Variants in EID3 observed in about 807,000 individuals in gnomAD.
The protein encoded by EID3 is EP300-interacting inhibitor of differentiation 3.
Under a neutral mutation model 1.6 loss-of-function variants are expected in EID3, and 3 were observed. The observed-to-expected ratio is 1.87, with a 90% CI of 0.85 to 4.83. The LOEUF (loss-of-function observed/expected upper bound fraction) is 4.83. Among genes scored for constraint, EID3 ranks in the 30% most tolerant of loss-of-function variants. EID3 has a pLI of 0.02. For missense variants in EID3, 471 were observed against 409.9 expected (o/e 1.15, Z -1.29); for synonymous variants, 164 against 148.1 (o/e 1.11, Z -0.78).
rs752504270 is a variant in EID3, at chr12:104,303,998, G to A, written c.64G>A (p.Asp22Asn). Residue 22 changes from aspartate (D) to asparagine (N), a missense_variant, in exon 1 of 1, where the codon GAC becomes AAC. Transcript: ENST00000527879. ...CSDDLSSGEA[D>N]VDPKLLELTA... ...CGACGACCTCAGCTCTGGGGAGGCC[G>A]ACGTAGACCCAAAGCTCCTGGAGCT... 2 of 1,609,926 alleles carry A rather than the reference G, an allele frequency of 1.2e-6. No homozygotes were observed. Among genetic ancestry groups the A allele is most frequent in the Non-Finnish European group, 1.7e-6 (2 of 1,179,810 alleles).
In EID3 at chr12:104,304,148, G is replaced by GA. The variant is rs771188404; in HGVS notation, c.216dup (p.Ala73SerfsTer6). The GA allele has an allele frequency of 1.2e-5, 19 of 1,614,096 alleles. No individual in the cohort carries two copies. The highest frequency in any genetic ancestry group is 1.4e-5 in the Non-Finnish European group (17 of 1,179,906). On this transcript the variant is annotated frameshift_variant, in exon 1 of 1. Coordinates refer to ENST00000527879, the MANE Select transcript of EID3 (RefSeq NM_001008394.3). LOFTEE classifies it low-confidence loss of function (END_TRUNC). Reference sequence around the variant, plus strand: ...CAACTCCTTAACCGAGGCTCTGGAGGAAGCCAACGTCCTCTTTGATGGCGT... The same window carrying GA: ...CAACTCCTTAACCGAGGCTCTGGAGGAAAGCCAACGTCCTCTTTGATGGCGT...
Position 104,304,053 on chromosome 12 carries a change from T to G in EID3, c.119T>G (p.Ile40Ser). ...GCTGACGAGGAGAAGTGCCGCAGCA[T>G]CCGCAGGCAGTACCGGCAGCTCATG... is the stretch of plus-strand genomic sequence containing the variant. Reference protein sequence around the residue: ...LTADEEKCRSIRRQYRQLMYC... With the variant: ...LTADEEKCRSSRRQYRQLMYC... The change falls in exon 1 of 1, where the codon ATC becomes AGC. Residue 40 changes from isoleucine to serine, a missense_variant. Ile to Ser is a moderately radical substitution (Grantham distance 142, BLOSUM62 -2). Transcript: ENST00000527879. 1.2e-6 allele frequency: 2 copies of G among 1,613,610 alleles called. No individual in the cohort carries two copies. Among genetic ancestry groups the G allele is most frequent in the East Asian group, 2.2e-5 (1 of 44,892 alleles).
In EID3 at chr12:104,304,004, GACCCAA is replaced by G. The variant is rs776780110; in HGVS notation, c.72_77del (p.Asp24_Lys26delinsGlu). 30 of 1,610,916 alleles carry G rather than the reference GACCCAA, an allele frequency of 1.9e-5. No homozygotes were observed. Among genetic ancestry groups the G allele is most frequent in the Admixed American group, 8.3e-5 (5 of 59,996 alleles). On this transcript the variant is annotated inframe_deletion, in exon 1 of 1. Transcript: ENST00000527879. The stretch of plus-strand genomic sequence containing the variant: ...CCTCAGCTCTGGGGAGGCCGACGTA[GACCCAA>G]AGCTCCTGGAGCTCACCGCTGACGA...
In EID3 at chr12:104,304,441, T is replaced by G; in HGVS notation, c.507T>G (p.His169Gln). Reference protein sequence around the residue: ...TSWMVKAETFHFVFGSFKLER... With the variant: ...TSWMVKAETFQFVFGSFKLER... ...GGATGGTAAAAGCTGAGACATTCCA[T>G]TTTGTTTTTGGTTCATTCAAGCTAG... The change falls in exon 1 of 1, where the codon CAT (histidine) becomes CAG (glutamine). Residue 169 changes from histidine (H) to glutamine (Q), a missense_variant. Physicochemically the swap from His to Gln is conservative, Grantham distance 24. Coordinates refer to ENST00000527879, the MANE Select transcript of EID3 (RefSeq NM_001008394.3). 1 of 1,613,992 alleles carries G rather than the reference T, an allele frequency of 6.2e-7. No homozygotes were observed. Among genetic ancestry groups the G allele is most frequent in the Non-Finnish European group, 8.5e-7 (1 of 1,179,902 alleles).
chr12:104,304,461 A>G lies in EID3; in HGVS notation c.527A>G (p.Lys176Arg), dbSNP rs371562364. Residue 176 changes from lysine to arginine, a missense_variant, in exon 1 of 1, where the codon AAG becomes AGG. Transcript: ENST00000527879. ...TTCCATTTTGTTTTTGGTTCATTCAAGCTAGAACGTTCTGCACCAAAGCCC... is the reference window on the plus strand; with the variant it reads ...TTCCATTTTGTTTTTGGTTCATTCAGGCTAGAACGTTCTGCACCAAAGCCC... ...ETFHFVFGSF[K>R]LERSAPKPRL... 9.9e-6 allele frequency: 16 copies of G among 1,613,920 alleles called. No individual in the cohort carries two copies. The African/African-American group carries it at 1.2e-4, about 12-fold the overall frequency.
Position 104,304,398 on chromosome 12 carries a change from A to G in EID3, c.464A>G (p.Glu155Gly). 3.1e-6 allele frequency: 5 copies of G among 1,614,060 alleles called. No homozygotes were observed. The highest frequency in any genetic ancestry group is 4.2e-6 in the Non-Finnish European group (5 of 1,179,902). ...SIALSFWKAI[E>G]KEATSWMVKA... ...GCTCTTTCCTTCTGGAAGGCAATAG[A>G]AAAGGAAGCAACATCCTGGATGGTA... Residue 155 changes from glutamate to glycine, a missense_variant, in exon 1 of 1, where the codon GAA becomes GGA. Glu to Gly is a moderately conservative substitution (Grantham distance 98, BLOSUM62 -2). Coordinates refer to ENST00000527879, the MANE Select transcript of EID3 (RefSeq NM_001008394.3).
At position 104,304,036 on chromosome 12, in the gene EID3, G is replaced by A; in HGVS notation, c.102G>A (p.Glu34=). Residue 34 remains glutamate (E), a synonymous_variant, in exon 1 of 1, where the codon GAG becomes GAA. Coordinates refer to ENST00000527879, the MANE Select transcript of EID3 (RefSeq NM_001008394.3). The part of the protein sequence containing the change: ...DPKLLELTAD[E]EKCRSIRRQY... ...AGCTCCTGGAGCTCACCGCTGACGA[G>A]GAGAAGTGCCGCAGCATCCGCAGGC... is the stretch of plus-strand genomic sequence containing the variant. 6.2e-7 allele frequency: 1 copy of A among 1,612,134 alleles called. No individual in the cohort carries two copies. The highest frequency in any genetic ancestry group is 8.5e-7 in the Non-Finnish European group (1 of 1,178,838).
chr12:104,305,042 T>C lies in EID3; in HGVS notation c.*106T>C, dbSNP rs748364689. The C allele has an allele frequency of 1.5e-5, 18 of 1,197,484 alleles. No homozygotes were observed. Among genetic ancestry groups the C allele is most frequent in the Non-Finnish European group, 1.9e-5 (17 of 879,358 alleles). The allele number at this position is 1,197,484 out of a possible 1,614,324, so 74.2% of individuals were successfully genotyped here. On this transcript the variant is annotated 3_prime_UTR_variant, in exon 1 of 1. Transcript: ENST00000527879. ...GTATCTCTTGTAAAGTGAAAAAGTA[T>C]TTTCAAGAACATCAGACATTGTTTT...
Position 104,304,989 on chromosome 12 carries a change from G to A in EID3, c.*53G>A, listed in dbSNP as rs2034835640. 1 of 1,498,648 alleles carries A rather than the reference G, an allele frequency of 6.7e-7. No individual in the cohort carries two copies. The highest frequency in any genetic ancestry group is 2.5e-5 in the Admixed American group (1 of 40,808). The allele number at this position is 1,498,648 out of a possible 1,614,324, so 92.8% of individuals were successfully genotyped here. A position where few individuals can be genotyped will look rare whatever the true frequency, so the allele number is the denominator to read the frequency against. On this transcript the variant is annotated 3_prime_UTR_variant, in exon 1 of 1. Coordinates refer to ENST00000527879, the MANE Select transcript of EID3 (RefSeq NM_001008394.3). ...TGTTTTTTTTCTGAAGTTAGATGGA[G>A]AGTAAAATGTAAACTGAAGCACATA...
At position 104,303,816 on chromosome 12, in the gene EID3, C is replaced by G. The variant is rs773632501; in HGVS notation, c.-119C>G. ...GCCGTTACCTCAGAGATACCCGTGG[C>G]CGGCATGTTGGTTGAAAAAGCTTCC... is the stretch of plus-strand genomic sequence containing the variant. On this transcript the variant is annotated 5_prime_UTR_variant, in exon 1 of 1. Coordinates refer to ENST00000527879, the MANE Select transcript of EID3 (RefSeq NM_001008394.3). 1 of 1,405,262 alleles carries G rather than the reference C, an allele frequency of 7.1e-7. No homozygotes were observed. The highest frequency in any genetic ancestry group is 9.3e-7 in the Non-Finnish European group (1 of 1,072,502). The allele number at this position is 1,405,262 out of a possible 1,614,324, so 87.0% of individuals were successfully genotyped here.
rs1048990018 is a variant in EID3 at position 104,305,195 on chromosome 12, T to G, written c.*259T>G. On this transcript the variant is annotated 3_prime_UTR_variant, in exon 1 of 1. Coordinates refer to ENST00000527879, the MANE Select transcript of EID3 (RefSeq NM_001008394.3). The stretch of plus-strand genomic sequence containing the variant: ...TAAGACTATTAATAAAAACAAGTTT[T>G]GGATACCAAATTAAGGGATATTTGA... 1.6e-5 allele frequency: 5 copies of G among 312,288 alleles called. No individual in the cohort carries two copies. The highest frequency in any genetic ancestry group is 3.0e-5 in the Non-Finnish European group (5 of 165,230). The allele number at this position is 312,288 out of a possible 1,614,324, so 19.3% of individuals were successfully genotyped here.
rs2034838309 is a variant in EID3 at position 104,305,031 on chromosome 12, G to A, written c.*95G>A. ...AAGCACATATTGTATCTCTTGTAAA[G>A]TGAAAAAGTATTTTCAAGAACATCA... On this transcript the variant is annotated 3_prime_UTR_variant, in exon 1 of 1. Coordinates refer to ENST00000527879, the MANE Select transcript of EID3 (RefSeq NM_001008394.3). 9.4e-6 allele frequency: 12 copies of A among 1,277,990 alleles called. No homozygotes were observed. Among genetic ancestry groups the A allele is most frequent in the Non-Finnish European group, 1.3e-5 (12 of 947,942 alleles). 79.2% of individuals were successfully genotyped at this position (1,277,990 alleles called of 1,614,324 possible). A position where few individuals can be genotyped will look rare whatever the true frequency, so the allele number is the denominator to read the frequency against.
Position 104,303,890 on chromosome 12 carries a change from G to T in EID3, c.-45G>T, listed in dbSNP as rs761414587. 3.7e-5 allele frequency: 56 copies of T among 1,531,116 alleles called. No individual in the cohort carries two copies. Among genetic ancestry groups the T allele is most frequent in the Non-Finnish European group, 2.7e-5 (31 of 1,146,358 alleles). 94.8% of individuals were successfully genotyped at this position (1,531,116 alleles called of 1,614,324 possible). A position where few individuals can be genotyped will look rare whatever the true frequency, so the allele number is the denominator to read the frequency against. ...AGAGGAGCAGCTCGTGATCATCCCC[G>T]GTAGCGAGTACGCGGCGAAGTAGGC... On this transcript the variant is annotated 5_prime_UTR_variant, in exon 1 of 1. Coordinates refer to ENST00000527879, the MANE Select transcript of EID3 (RefSeq NM_001008394.3).
rs544458127 is a variant in EID3, at chr12:104,304,789, G to A, written c.855G>A (p.Pro285=). 13 of 1,613,986 alleles carry A rather than the reference G, an allele frequency of 8.1e-6. No homozygotes were observed. Among genetic ancestry groups the A allele is most frequent in the African/African-American group, 2.7e-5 (2 of 75,032 alleles). ...LDEDRLPILE[P]MNVNQMGEGN... ...AAGACAGGCTGCCAATATTAGAGCCGATGAATGTTAACCAAATGGGTGAGG... is the reference window on the plus strand; with the variant it reads ...AAGACAGGCTGCCAATATTAGAGCCAATGAATGTTAACCAAATGGGTGAGG... Residue 285 remains proline, a synonymous_variant, in exon 1 of 1, where the codon CCG becomes CCA. Coordinates refer to ENST00000527879, the MANE Select transcript of EID3 (RefSeq NM_001008394.3).
In EID3 at chr12:104,304,853, A is replaced by G. The variant is rs1402500667; in HGVS notation, c.919A>G (p.Ile307Val). 6.2e-6 allele frequency: 10 copies of G among 1,613,964 alleles called. No individual in the cohort carries two copies. Among genetic ancestry groups the G allele is most frequent in the African/African-American group, 1.3e-5 (1 of 75,052 alleles). ...SSCHGRKQGV[I>V]SLTLQEWKNI... ...TTGCCATGGCAGGAAACAGGGAGTT[A>G]TATCTTTGACTTTACAGGAGTGGAA... Residue 307 changes from isoleucine to valine, a missense_variant, in exon 1 of 1, where the codon ATA becomes GTA. Ile to Val is a conservative substitution (Grantham distance 29). Coordinates refer to ENST00000527879, the MANE Select transcript of EID3 (RefSeq NM_001008394.3).
Position 104,304,319 on chromosome 12 carries a change from C to A in EID3, c.385C>A (p.Leu129Met), listed in dbSNP as rs761583733. 6 of 1,613,966 alleles carry A rather than the reference C, an allele frequency of 3.7e-6. No individual in the cohort carries two copies. In the South Asian group the frequency reaches 6.6e-5, roughly 18 times the overall value. Residue 129 changes from leucine (L) to methionine (M), a missense_variant, in exon 1 of 1, where the codon CTG becomes ATG. Coordinates refer to ENST00000527879, the MANE Select transcript of EID3 (RefSeq NM_001008394.3). ...FCDFLFLFVG[L>M]NWMEGDPDKL... ...TGACTTTCTGTTTCTGTTCGTGGGT[C>A]TGAATTGGATGGAAGGCGATCCTGA... is the stretch of plus-strand genomic sequence containing the variant.
chr12:104,303,811 C>G lies in EID3; in HGVS notation c.-124C>G. On this transcript the variant is annotated 5_prime_UTR_variant, in exon 1 of 1. Transcript: ENST00000527879. ...GGAGGGCCGTTACCTCAGAGATACC[C>G]GTGGCCGGCATGTTGGTTGAAAAAG... 7.2e-7 allele frequency: 1 copy of G among 1,389,124 alleles called. No individual in the cohort carries two copies. The highest frequency in any genetic ancestry group is 9.5e-7 in the Non-Finnish European group (1 of 1,057,830). 86.0% of individuals were successfully genotyped at this position (1,389,124 alleles called of 1,614,324 possible).
At position 104,303,963 on chromosome 12, in the gene EID3, C is replaced by T. The variant is rs745955695; in HGVS notation, c.29C>T (p.Ala10Val). 3.1e-6 allele frequency: 5 copies of T among 1,602,438 alleles called. No individual in the cohort carries two copies. In the South Asian group the frequency reaches 4.4e-5, roughly 14 times the overall value. MKMDVSVRA[A>V]GCSDDLSSGE... Reference sequence around the variant, plus strand: ...AAGATGGATGTGTCAGTGAGGGCCGCGGGCTGCTCCGACGACCTCAGCTCT... The same window carrying T: ...AAGATGGATGTGTCAGTGAGGGCCGTGGGCTGCTCCGACGACCTCAGCTCT... Residue 10 changes from alanine to valine, a missense_variant, in exon 1 of 1, where the codon GCG becomes GTG. By Grantham distance (64) the Ala-to-Val change is moderately conservative. Coordinates refer to ENST00000527879, the MANE Select transcript of EID3 (RefSeq NM_001008394.3).
rs74722368 is a variant in EID3 at position 104,304,709 on chromosome 12, A to G, written c.775A>G (p.Ile259Val). The G allele has an allele frequency of 2.3e-3, 3,636 of 1,613,692 alleles. 44 individuals are homozygous for G. The highest frequency in any genetic ancestry group is 0.021 in the African/African-American group (1,568 of 74,976). Residue 259 changes from isoleucine (I) to valine (V), a missense_variant, in exon 1 of 1, where the codon ATA becomes GTA. Transcript: ENST00000527879. ...PNSFSRTVENIFYVSFIVRDG... is the reference protein window; with the variant it reads ...PNSFSRTVENVFYVSFIVRDG... Reference sequence around the variant, plus strand: ...CTCTTTTTCTCGTACTGTGGAGAATATATTTTATGTTTCTTTTATTGTAAG... The same window carrying G: ...CTCTTTTTCTCGTACTGTGGAGAATGTATTTTATGTTTCTTTTATTGTAAG...
Sources: gnomAD v4.1 joint callset for allele counts on GRCh38, gnomAD v4.1.1 for gene constraint, MANE v1.5 for transcripts, NCBI Gene and HGNC (gene_info 2026-07-23, HGNC 2026-07-21) for gene names.